Variants in PDE4D observed in about 807,000 individuals in gnomAD.
PDE4D encodes phosphodiesterase 4D.
Under a neutral mutation model 87.4 loss-of-function variants are expected in PDE4D, and 24 were observed. The ratio of observed to expected loss-of-function variants is 0.27; its 90% CI spans 0.20 to 0.39. The LOEUF (loss-of-function observed/expected upper bound fraction) is 0.39. PDE4D is among the 10% of genes least tolerant of loss of function. The pLI is 1.00. For synonymous variants in PDE4D, 384 were observed against 383.2 expected (o/e 1.00, Z -0.02); for missense variants, 714 against 1,041.0 (o/e 0.69, Z 4.32).
At chr5:60,311,143 C>T (rs1754997881) in intron 1 of PDE4D, among the ~76,000 whole-genome samples, 1 of 152,082 alleles carries the variant, frequency 6.6e-6, no homozygotes, top group African/African-American at 2.4e-5. Flanking sequence ...TCAGCCTCCC[C>T]AGGGCCGGGA....
At chr5:59,995,823 T>C (rs1353041403) in intron 2 of PDE4D, among the ~76,000 whole-genome samples, 1 of 152,174 alleles carries the variant, frequency 6.6e-6, no homozygotes, top group Non-Finnish European at 1.5e-5. Context: ...ACAACTTTTG[T>C]ACCCCTAGCA....
rs557071759 is a variant in PDE4D at position 59,079,769 on chromosome 5, G to C, written c.809-40798C>G. 7.3e-5 allele frequency among the ~76,000 whole-genome samples: 11 copies of C among 150,930 alleles called. No individual in the cohort carries two copies. In the South Asian group the frequency reaches 2.1e-3, roughly 29 times the overall value. ...CAGGAGGACTGGTTGAGCCCTGGAAGTTCAAGGCTGCAGTAAGCTATGATT... is the reference window on the plus strand; with the variant it reads ...CAGGAGGACTGGTTGAGCCCTGGAACTTCAAGGCTGCAGTAAGCTATGATT... On this transcript the variant is annotated intron_variant, in intron 5 of 14. Transcript: ENST00000340635.
At chr5:60,034,729 G>T (rs762467833) in intron 2 of PDE4D, among the ~76,000 whole-genome samples, 2 of 152,090 alleles carry the variant, frequency 1.3e-5, no homozygotes, top group African/African-American at 2.4e-5. Flanking sequence ...TATCATTTCC[G>T]CATGTTATTC....
intron 4 of PDE4D, among the ~76,000 whole-genome samples, chr5:59,181,973 G>T (rs533240411): frequency 1.3e-5 from 2 of 152,236 alleles, no homozygotes; most frequent in Admixed American, 6.5e-5. Flanking sequence ...GGGGAAAGCA[G>T]CCTGGGATTT....
In PDE4D at chr5:59,142,297, C is replaced by T. The variant is rs117817623; in HGVS notation, c.808+38298G>A. On this transcript the variant is annotated intron_variant, in intron 5 of 14. Coordinates refer to ENST00000340635, the MANE Select transcript of PDE4D (RefSeq NM_001104631.2). ...TTTCTGAAATGCATCTCATCCTTTC[C>T]TCCCTATAGAGTCTCCTAAATTGCT... Among the ~76,000 whole-genome samples the T allele has an allele frequency of 2.6e-5, 4 of 152,230 alleles. No homozygotes were observed. In the East Asian group the frequency reaches 7.7e-4, roughly 29 times the overall value.
chr5:59,193,817 T>C (rs1385321703), intron 2 of PDE4D: 2 of 984,646 alleles, frequency 2.0e-6, no homozygotes, highest in Non-Finnish European at 2.4e-6. Context: ...ATAGTAGAAA[T>C]GGTGTTCCAG....
chr5:60,160,659 T>C lies in PDE4D; in HGVS notation c.42+24898A>G, dbSNP rs191117518. Reference sequence around the variant, plus strand: ...CACAGAAAATCCCTTTGATATGAAATGTAAATTTCCAAATCTGCTGTTTCC... The same window carrying C: ...CACAGAAAATCCCTTTGATATGAAACGTAAATTTCCAAATCTGCTGTTTCC... On this transcript the variant is annotated intron_variant, in intron 2 of 16. Coordinates refer to the PDE4D transcript ENST00000502484. The C allele has an allele frequency of 7.7e-4, 183 of 237,274 alleles. 1 individual carries two copies. In the Admixed American group the frequency reaches 0.01, roughly 13 times the overall value. 14.7% of individuals were successfully genotyped at this position (237,274 alleles called of 1,614,324 possible). A position where few individuals can be genotyped will look rare whatever the true frequency, so the allele number is the denominator to read the frequency against.
chr5:60,452,311 T>C (rs73759059), intron 1 of PDE4D, among the ~76,000 whole-genome samples: 6,942 of 152,178 alleles, frequency 0.046, 399 homozygotes, highest in African/African-American at 0.14. Flanking sequence ...TTGATCACAT[T>C]GAATTACATT....
At chr5:60,237,918 C>A (rs528940203) in intron 1 of PDE4D, among the ~76,000 whole-genome samples, 1 of 151,920 alleles carries the variant, frequency 6.6e-6, no homozygotes, top group East Asian at 1.9e-4. Flanking sequence ...GGGAAAAAAA[C>A]AAACAATTCC....
At chr5:60,189,315 C>T (rs1026669247) in intron 1 of PDE4D, among the ~76,000 whole-genome samples, 1 of 152,158 alleles carries the variant, frequency 6.6e-6, no homozygotes, top group Non-Finnish European at 1.5e-5. Flanking sequence ...CAGTTTCTAT[C>T]CTAGAGATTA....
At chr5:59,691,859 T>C (rs533857296) in intron 1 of PDE4D, among the ~76,000 whole-genome samples, 1 of 152,168 alleles carries the variant, frequency 6.6e-6, no homozygotes, top group African/African-American at 2.4e-5. Flanking sequence ...TTATTTTATA[T>C]AGGAAGTTCA....
intron 1 of PDE4D, among the ~76,000 whole-genome samples, chr5:59,813,811 C>G (rs1335716714): frequency 6.6e-6 from 1 of 152,184 alleles, no homozygotes; most frequent in East Asian, 1.9e-4. Flanking sequence ...TCTTACCAGT[C>G]TCAACTCAGA....
At chr5:60,197,483 A>G (rs769595549) in intron 1 of PDE4D, among the ~76,000 whole-genome samples, 1 of 151,630 alleles carries the variant, frequency 6.6e-6, no homozygotes, top group Admixed American at 6.6e-5. Context: ...TTGGGACACA[A>G]TGAGAATTTA....
intron 1 of PDE4D, among the ~76,000 whole-genome samples, chr5:59,877,819 A>C (rs1412088532): frequency 2.0e-5 from 3 of 152,152 alleles, no homozygotes; most frequent in Non-Finnish European, 2.9e-5. Flanking sequence ...ATTCTGCCAA[A>C]AAAAAGAGAA....
intron 1 of PDE4D, among the ~76,000 whole-genome samples, chr5:59,555,806 C>T (rs1354214347): frequency 2.6e-5 from 4 of 152,144 alleles, no homozygotes; most frequent in Non-Finnish European, 4.4e-5. Flanking sequence ...TCTTGCTCCA[C>T]TCCTACCCTC....
chr5:60,317,060 T>C (rs191071940), intron 1 of PDE4D, among the ~76,000 whole-genome samples: 409 of 152,332 alleles, frequency 2.7e-3, no homozygotes, highest in African/African-American at 9.6e-3. Context: ...TCAGAAGGAA[T>C]GGTACCAGCT....
intron 3 of PDE4D, among the ~76,000 whole-genome samples, chr5:59,977,922 TA>T (rs1374106983): frequency 6.6e-6 from 1 of 152,118 alleles, no homozygotes; most frequent in Admixed American, 6.6e-5. Flanking sequence ...GCTTTATAAA[TA>T]AAAAAATAAG....
At chr5:59,935,791 A>AT (rs1756500291) in intron 3 of PDE4D, among the ~76,000 whole-genome samples, 1 of 152,110 alleles carries the variant, frequency 6.6e-6, no homozygotes, top group African/African-American at 2.4e-5. Flanking sequence ...TGAACTCATC[A>AT]TTTTTTATGG....
intron 1 of PDE4D, among the ~76,000 whole-genome samples, chr5:59,480,933 G>C (rs569373323): frequency 2.4e-4 from 37 of 152,258 alleles, no homozygotes; most frequent in Non-Finnish European, 2.9e-5. Context: ...AGTGTTTGCA[G>C]AGTAACCAGG....
Sources: allele counts gnomAD v4.1 joint callset (sites outside exome capture counted in the v4.1 genomes callset), GRCh38; gene constraint gnomAD v4.1.1; transcripts MANE v1.5; gene names NCBI Gene and HGNC (gene_info 2026-07-23, HGNC 2026-07-21).